The following HDAC9 variants were observed in gnomAD, a reference collection of about 807,000 sequenced individuals.
HDAC9 encodes MEF-2 interacting transcription repressor (MITR) protein.
In HDAC9, 41 loss-of-function variants were observed where a neutral mutation model predicts 139.4. The observed-to-expected ratio is 0.29, with a 90% CI of 0.23 to 0.38. HDAC9 has a LOEUF of 0.38. Ranked by LOEUF, HDAC9 falls within the 10% of genes least tolerant of loss-of-function variation. The pLI is 1.00. For missense variants in HDAC9, 1,147 were observed against 1,297.0 expected, an observed-to-expected ratio of 0.88 and a Z score of 1.78; for synonymous variants, 517 against 476.2, an observed-to-expected ratio of 1.09 and a Z score of -1.12.
At chr7:18,375,094 T>G (rs1387448040) in intron 1 of HDAC9, among the ~76,000 whole-genome samples, 1 of 152,246 alleles carries the variant, frequency 6.6e-6, no homozygotes, top group East Asian at 1.9e-4. Flanking sequence ...ACAAAGTTAA[T>G]TGTAAACAGC....
At chr7:18,296,507 A>T (rs563926476) in intron 1 of HDAC9, among the ~76,000 whole-genome samples, 9 of 152,210 alleles carry the variant, frequency 5.9e-5, no homozygotes, top group African/African-American at 2.2e-4. Context: ...ACCATTATCA[A>T]TAAAACCTCC....
chr7:18,929,316 A>G (rs1044270992), intron 22 of HDAC9, among the ~76,000 whole-genome samples: 3 of 152,158 alleles, frequency 2.0e-5, no homozygotes, highest in Non-Finnish European at 4.4e-5. Flanking sequence ...ATTTAATTCT[A>G]TTTTTATAAT....
intron 13 of HDAC9, among the ~76,000 whole-genome samples, chr7:18,735,618 T>C (rs1478291233): frequency 1.3e-5 from 2 of 152,222 alleles, no homozygotes; most frequent in Non-Finnish European, 2.9e-5. Flanking sequence ...ACCAGTACCA[T>C]GCTGTTTTTG....
chr7:18,227,205 T>C (rs902028252), intron 2 of HDAC9, among the ~76,000 whole-genome samples: 1 of 152,180 alleles, frequency 6.6e-6, no homozygotes, highest in African/African-American at 2.4e-5. Flanking sequence ...TAATTAGCCT[T>C]CTCCCATTTT....
intron 12 of HDAC9, among the ~76,000 whole-genome samples, chr7:18,684,538 T>C (rs1782126060): frequency 6.6e-6 from 1 of 151,900 alleles, no homozygotes; most frequent in Non-Finnish European, 1.5e-5. Context: ...ACTGATAACT[T>C]TTAGATGGTT....
intron 23 of HDAC9, among the ~76,000 whole-genome samples, chr7:18,952,352 G>A (rs1331938731): frequency 6.6e-6 from 1 of 151,968 alleles, no homozygotes; most frequent in East Asian, 1.9e-4. Flanking sequence ...GAAGTTAGAT[G>A]TTTTACATAT....
chr7:18,825,423 G>A (rs374025071), intron 17 of HDAC9, among the ~76,000 whole-genome samples: 2 of 152,108 alleles, frequency 1.3e-5, no homozygotes, highest in South Asian at 4.1e-4. Flanking sequence ...TGAAAAGGAA[G>A]ATGCAGCCAA....
chr7:18,865,990 G>C (rs1281642075), intron 21 of HDAC9, among the ~76,000 whole-genome samples: 2 of 150,832 alleles, frequency 1.3e-5, no homozygotes, highest in South Asian at 2.1e-4. Context: ...AGAATCTGCT[G>C]TCTCAGAGGT....
chr7:18,192,798 A>G (rs1475251211), intron 2 of HDAC9, among the ~76,000 whole-genome samples: 3 of 152,324 alleles, frequency 2.0e-5, no homozygotes, highest in African/African-American at 7.2e-5. Flanking sequence ...ATTTAGTGTT[A>G]ATTTATGAGA....
chr7:18,931,697 A>G (rs1804756731), intron 22 of HDAC9, among the ~76,000 whole-genome samples: 1 of 152,172 alleles, frequency 6.6e-6, no homozygotes, highest in African/African-American at 2.4e-5. Flanking sequence ...AAATAGAAGC[A>G]ACCTAATTTA....
At chr7:18,749,266 TAGATTCAGGTAGCAC>T in intron 14 of HDAC9, 128 bp downstream of exon 14, 2 of 986,836 alleles carry the variant, frequency 2.0e-6, no homozygotes, top group Non-Finnish European at 3.0e-6. Flanking sequence ...TGAACCATCA[TAGATTCAGGTAGCAC>T]AGAGCTTACC....
intron 22 of HDAC9, among the ~76,000 whole-genome samples, chr7:18,885,150 TGGTCGTAAG>T (rs1800041227): frequency 1.3e-5 from 2 of 152,238 alleles, no homozygotes; most frequent in African/African-American, 4.8e-5. Context: ...GAGGGCAATG[TGGTCGTAAG>T]GGTGAAAGCA....
intron 1 of HDAC9, among the ~76,000 whole-genome samples, chr7:18,462,567 G>A (rs1793940258): frequency 6.6e-5 from 10 of 151,764 alleles, no homozygotes; most frequent in Admixed American, 6.6e-4. Flanking sequence ...TCTCTATCTT[G>A]ATTTCTATCA....
chr7:18,862,923 T>G (rs1798222958), intron 21 of HDAC9, among the ~76,000 whole-genome samples: 2 of 152,200 alleles, frequency 1.3e-5, no homozygotes, highest in African/African-American at 2.4e-5. Flanking sequence ...GTGTGAAAAT[T>G]TTTGAGCCCA....
chr7:18,925,947 C>T (rs899548393), intron 22 of HDAC9, among the ~76,000 whole-genome samples: 3 of 151,936 alleles, frequency 2.0e-5, no homozygotes, highest in Non-Finnish European at 4.4e-5. Flanking sequence ...TCTGGTATCA[C>T]TATGGGCCTT....
At chr7:18,790,370 A>G (rs1792192596) in intron 16 of HDAC9, among the ~76,000 whole-genome samples, 1 of 152,178 alleles carries the variant, frequency 6.6e-6, no homozygotes, top group African/African-American at 2.4e-5. Flanking sequence ...TAGGACTGAT[A>G]TCCTTACATG....
At chr7:18,383,670 G>A (rs1785643069) in intron 1 of HDAC9, among the ~76,000 whole-genome samples, 1 of 151,016 alleles carries the variant, frequency 6.6e-6, no homozygotes, top group Admixed American at 6.6e-5. Flanking sequence ...TAGCATGAAA[G>A]AAAAGGAAGA....
chr7:18,559,753 T>G lies in HDAC9; in HGVS notation c.23-25528T>G, dbSNP rs112730195. ...CAGCCAAATGAAAATAATTATTTAG[T>G]AACAGCTTTGGGAATATAACTTTTT... On this transcript the variant is annotated intron_variant, in intron 2 of 25. Coordinates refer to ENST00000686413, the MANE Select transcript of HDAC9 (RefSeq NM_178425.4). Among the ~76,000 whole-genome samples, 15 of 152,304 alleles carry G rather than the reference T, an allele frequency of 9.8e-5. No homozygotes were observed. The South Asian group carries it at 1.7e-3, about 17-fold the overall frequency.
At chr7:18,118,799 A>T (rs999169054) in intron 1 of HDAC9, among the ~76,000 whole-genome samples, 7 of 152,166 alleles carry the variant, frequency 4.6e-5, no homozygotes, top group African/African-American at 1.7e-4. Flanking sequence ...AGTGACATGG[A>T]TTAATTTATC....
Sources: gnomAD v4.1 joint callset for allele counts (sites outside exome capture counted in the v4.1 genomes callset) on GRCh38, gnomAD v4.1.1 for gene constraint, MANE v1.5 for transcripts, NCBI Gene and HGNC (gene_info 2026-07-23, HGNC 2026-07-21) for gene names.